NLRP11: variants seen among roughly 807,000 people sequenced by gnomAD.
NLRP11 encodes NACHT, LRR and PYD domains-containing protein 11.
A neutral mutation model predicts 79.3 loss-of-function variants in NLRP11; 53 were observed. The ratio of observed to expected loss-of-function variants is 0.67; its 90% CI spans 0.54 to 0.84. The LOEUF (loss-of-function observed/expected upper bound fraction) is 0.84. Among genes scored for constraint, NLRP11 ranks in the 40% least tolerant of loss-of-function variants. NLRP11 has a pLI of 0.00. For missense variants in NLRP11, 1,264 were observed against 1,255.0 expected (o/e 1.01, Z -0.11); for synonymous variants, 518 against 462.6 (o/e 1.12, Z -1.54).
In NLRP11 at chr19:55,789,448, A is replaced by T. The variant is rs192881603; in HGVS notation, c.2514-49T>A. ...GAGTCATGACCACCTGTCTCCAAAGATTTATTTCACAGAGTGTTAAGCATT... is the reference window on the plus strand; with the variant it reads ...GAGTCATGACCACCTGTCTCCAAAGTTTTATTTCACAGAGTGTTAAGCATT... On this transcript the variant is annotated intron_variant, in intron 7 of 9. Transcript: ENST00000589093. The T allele has an allele frequency of 3.7e-5, 57 of 1,535,972 alleles. No homozygotes were observed. The Middle Eastern group carries it at 6.9e-4, about 19-fold the overall frequency.
At chr19:55,799,187 A>C (rs1229535537) in intron 5 of NLRP11, among the ~76,000 whole-genome samples, 1 of 152,088 alleles carries the variant, frequency 6.6e-6, no homozygotes, top group Non-Finnish European at 1.5e-5. Flanking sequence ...AAATTGCTTG[A>C]ACCCGGGAGG....
In NLRP11 at chr19:55,809,159, T is replaced by C. The variant is rs139431447; in HGVS notation, c.1451A>G (p.Gln484Arg). The C allele has an allele frequency of 3.2e-5, 52 of 1,613,722 alleles. No individual in the cohort carries two copies. Among genetic ancestry groups the C allele is most frequent in the Admixed American group, 5.0e-5 (3 of 59,992 alleles). ...AAACACTTGATTAAAGTCAGAGTAT[T>C]GTTCTCTCTTCTCTTTATACTCTCT... Residue 484 changes from glutamine to arginine, a missense_variant, in exon 3 of 10, where the codon CAA becomes CGA. Physicochemically the swap from Gln to Arg is conservative, Grantham distance 43. Coordinates refer to ENST00000589093, the Ensembl canonical transcript of NLRP11. The surrounding 1 kb of genome is among the most constrained non-coding windows in gnomAD (Gnocchi z 4.5).
chr19:55,827,756 T>C (rs974357092), intron 1 of NLRP11, among the ~76,000 whole-genome samples: 1 of 151,594 alleles, frequency 6.6e-6, no homozygotes, highest in Non-Finnish European at 1.5e-5. Flanking sequence ...CATTAAAAAG[T>C]CAGGAAACAA....
chr19:55,808,543 C>CCA (rs2122812074), intron 3 of NLRP11, among the ~76,000 whole-genome samples: 1 of 152,268 alleles, frequency 6.6e-6, no homozygotes, highest in East Asian at 1.9e-4. Flanking sequence ...AGATAGACCC[C>CCA]CACCACAAAG....
intron 1 of NLRP11, among the ~76,000 whole-genome samples, chr19:55,830,918 A>G (rs920188132): frequency 6.6e-6 from 1 of 152,158 alleles, no homozygotes; most frequent in African/African-American, 2.4e-5. Context: ...GCACTGAGAC[A>G]CAGGGGAATC....
At chr19:55,795,499 A>T (rs993790476) in intron 6 of NLRP11, among the ~76,000 whole-genome samples, 3 of 150,466 alleles carry the variant, frequency 2.0e-5, no homozygotes, top group South Asian at 2.1e-4. Flanking sequence ...TTTATTTTTT[A>T]TTTTTTTTGA....
Position 55,795,873 on chromosome 19 carries a change from G to GA in NLRP11, c.2342+206dup, listed in dbSNP as rs1003408481. 5.3e-5 allele frequency among the ~76,000 whole-genome samples: 8 copies of GA among 152,062 alleles called. No homozygotes were observed. The South Asian group carries it at 6.2e-4, about 12-fold the overall frequency. ...CTGTCCAGATTGAGAAATACAAGTTGAAAAAAAATCCAGAAACATTTTTGC... is the reference window on the plus strand; with the variant it reads ...CTGTCCAGATTGAGAAATACAAGTTGAAAAAAAAATCCAGAAACATTTTTGC... On this transcript the variant is annotated intron_variant, in intron 6 of 9. Coordinates refer to ENST00000589093, the Ensembl canonical transcript of NLRP11.
At chr19:55,785,965 G>A in intron 9 of NLRP11, 94 bp from the exon 10 acceptor site, 2 of 1,336,934 alleles carry the variant, frequency 1.5e-6, no homozygotes, top group Non-Finnish European at 2.1e-6. Flanking sequence ...GCATCCTTTG[G>A]GTATTCTTGG....
intron 2 of NLRP11, among the ~76,000 whole-genome samples, chr19:55,815,942 C>T (rs751754689): frequency 7.9e-5 from 12 of 151,876 alleles, no homozygotes; most frequent in Middle Eastern, 3.2e-3. Context: ...AGGTTATGAG[C>T]CTTGACTCCA....
intron 2 of NLRP11, among the ~76,000 whole-genome samples, chr19:55,812,732 C>A (rs181735718): frequency 2.0e-5 from 3 of 152,242 alleles, no homozygotes; most frequent in Non-Finnish European, 4.4e-5. Flanking sequence ...CCCTGAAGCT[C>A]TTTCTTGAGA....
At chr19:55,827,932 C>G (rs984770247) in intron 1 of NLRP11, among the ~76,000 whole-genome samples, 60 of 151,782 alleles carry the variant, frequency 4.0e-4, no homozygotes, top group African/African-American at 1.3e-3. Context: ...ACCCAAATGA[C>G]TATAAATCAT....
At chr19:55,827,821 C>T (rs1037209099) in intron 1 of NLRP11, among the ~76,000 whole-genome samples, 3 of 150,200 alleles carry the variant, frequency 2.0e-5, no homozygotes, top group African/African-American at 7.4e-5. Context: ...GTTGGTGGGA[C>T]TGTAAAGTAG....
upstream of NLRP11, among the ~76,000 whole-genome samples, chr19:55,834,733 T>C (rs148411893): frequency 6.6e-6 from 1 of 152,308 alleles, no homozygotes; most frequent in East Asian, 1.9e-4. Context: ...GAATGGATCA[T>C]TAAATGGTGA....
chr19:55,796,944 C>T (rs1978970881), intron 5 of NLRP11, among the ~76,000 whole-genome samples: 1 of 152,174 alleles, frequency 6.6e-6, no homozygotes, highest in Admixed American at 6.5e-5. Flanking sequence ...CCGCCTCGGC[C>T]TCCCAAAGTG....
intron 1 of NLRP11, among the ~76,000 whole-genome samples, chr19:55,830,750 GACTGAACTATAAGGTGCCA>G (rs1174560295): frequency 6.6e-6 from 1 of 152,110 alleles, no homozygotes; most frequent in African/African-American, 2.4e-5. Flanking sequence ...ATTTGCTGTT[GACTGAACTATAAGGTGCCA>G]ACTGAACTAT....
chr19:55,793,248 T>A (rs1978457386), intron 6 of NLRP11, among the ~76,000 whole-genome samples: 2 of 151,966 alleles, frequency 1.3e-5, no homozygotes, highest in Admixed American at 1.3e-4. Context: ...GAGCTGCACT[T>A]TTTTCCTAAA....
At chr19:55,831,033 A>G (rs1982711851) in intron 1 of NLRP11, among the ~76,000 whole-genome samples, 1 of 150,600 alleles carries the variant, frequency 6.6e-6, no homozygotes. Context: ...TCCCCCCTGT[A>G]AATTCAGCAC....
chr19:55,796,758 C>T (rs1046690568), intron 5 of NLRP11, among the ~76,000 whole-genome samples: 3 of 151,686 alleles, frequency 2.0e-5, no homozygotes, highest in South Asian at 4.2e-4. Context: ...GCGATCTCGG[C>T]TCACTGCAAC....
Position 55,830,643 on chromosome 19 carries a change from CTTA to C in NLRP11, c.-63+1317_-63+1319del, listed in dbSNP as rs1424857237. ...CAACGTTGAGTGTGTGTTAAAAGCT[CTTA>C]TTACTTTTCCCAAAGGGCAAAATAC... On this transcript the variant is annotated intron_variant, in intron 1 of 9. Transcript: ENST00000589093. Among the ~76,000 whole-genome samples, 4 of 147,526 alleles carry C rather than the reference CTTA, an allele frequency of 2.7e-5. No homozygotes were observed. The East Asian group carries it at 8.2e-4, about 30-fold the overall frequency.
Sources: gnomAD v4.1 joint callset for allele counts (sites outside exome capture counted in the v4.1 genomes callset) on GRCh38, gnomAD v4.1.1 for gene constraint, Gnocchi (gnomAD v3.1) non-coding constraint, MANE v1.5 for transcripts, NCBI Gene and HGNC (gene_info 2026-07-23, HGNC 2026-07-21) for gene names.